SOS2: variants seen among roughly 807,000 people sequenced by gnomAD.
The protein encoded by SOS2 is son of sevenless homolog 2.
Under a neutral mutation model 148.2 loss-of-function variants are expected in SOS2, and 65 were observed. That is an observed-to-expected ratio of 0.44 (90% CI 0.36 to 0.54). SOS2 has a LOEUF of 0.54. Ranked by LOEUF, SOS2 falls within the 20% of genes least tolerant of loss-of-function variation. SOS2 has a pLI of 0.00. For synonymous variants in SOS2, 539 were observed against 537.1 expected (o/e 1.00, Z -0.05); for missense variants, 1,341 against 1,590.2 (o/e 0.84, Z 2.67).
At chr14:50,129,385 T>C (rs1313119580) in intron 21 of SOS2, among the ~76,000 whole-genome samples, 2 of 152,140 alleles carry the variant, frequency 1.3e-5, no homozygotes, top group East Asian at 3.8e-4. Context: ...TTTGTTTGTT[T>C]TGTTGTTTTC....
At chr14:50,166,225 T>C (rs1339572619) in intron 8 of SOS2, among the ~76,000 whole-genome samples, 4 of 152,146 alleles carry the variant, frequency 2.6e-5, no homozygotes, top group South Asian at 4.1e-4. Context: ...ATGGGTAATA[T>C]CTTTTCTTTT....
At chr14:50,224,364 C>CACACAT (rs1339727223) in intron 1 of SOS2, among the ~76,000 whole-genome samples, 110 of 109,334 alleles carry the variant, frequency 1.0e-3, no homozygotes, top group African/African-American at 2.7e-3. Flanking sequence ...CACACACACA[C>CACACAT]ATATATATAA....
chr14:50,155,164 T>C (rs1312785385), intron 12 of SOS2, among the ~76,000 whole-genome samples: 1 of 152,086 alleles, frequency 6.6e-6, no homozygotes, highest in Non-Finnish European at 1.5e-5. Context: ...CATTGTAAAA[T>C]TCTCAGTTTT....
rs530723333 is a variant in SOS2 at position 50,181,321 on chromosome 14, G to A, written c.859-639C>T. ...AAATTAGCTGGGCGTGGTGGCAGGC[G>A]CCTGTAATCCCAGCTACTCAGGAGG... On this transcript the variant is annotated intron_variant, in intron 6 of 22. Transcript: ENST00000216373. Among the ~76,000 whole-genome samples the A allele has an allele frequency of 4.6e-5, 7 of 152,086 alleles. No individual in the cohort carries two copies. In the South Asian group the frequency reaches 1.2e-3, roughly 27 times the overall value.
chr14:50,160,093 A>G lies in SOS2; in HGVS notation c.1197-7T>C. The stretch of plus-strand genomic sequence containing the variant: ...AAAAGGGCAAACAGGATCTCTAGAA[A>G]AAACAAACAATATAGCTTATTCAAC... On this transcript the variant is annotated splice_region_variant and splice_polypyrimidine_tract_variant and intron_variant, in intron 9 of 22. Transcript: ENST00000216373. 1 of 1,603,190 alleles carries G rather than the reference A, an allele frequency of 6.2e-7. No individual in the cohort carries two copies. Among genetic ancestry groups the G allele is most frequent in the Middle Eastern group, 1.7e-4 (1 of 5,962 alleles).
intron 8 of SOS2, among the ~76,000 whole-genome samples, chr14:50,163,735 T>C (rs1205165891): frequency 1.3e-5 from 2 of 152,238 alleles, no homozygotes; most frequent in Non-Finnish European, 2.9e-5. Context: ...CTCTAAAATA[T>C]TTCTTTAATA....
chr14:50,227,766 T>C (rs1887425215), intron 1 of SOS2, among the ~76,000 whole-genome samples: 1 of 152,132 alleles, frequency 6.6e-6, no homozygotes, highest in South Asian at 2.1e-4. Context: ...TTGAGATTGG[T>C]TTTTTAAAAA....
rs1184761189 is a variant in SOS2 at position 50,162,258 on chromosome 14, C to T, written c.1069-649G>A. ...CCTCGATCTCCTGGGCATAAGGCTT[C>T]CCGAGTAGCTGGGACCACAGTTGCA... is the stretch of plus-strand genomic sequence containing the variant. On this transcript the variant is annotated intron_variant, in intron 8 of 22. Transcript: ENST00000216373. Among the ~76,000 whole-genome samples, 4 of 152,190 alleles carry T rather than the reference C, an allele frequency of 2.6e-5. No homozygotes were observed. In the South Asian group the frequency reaches 6.2e-4, roughly 24 times the overall value.
rs765097073 is a variant in SOS2 at position 50,118,794 on chromosome 14, T to TGGA, written c.3546_3548dup (p.Pro1183dup). ...GAACAGGAACTCTGGGTTTTACCTT[T>TGGA]GGAGGAGGAGGCTGTCTCGGTGGAA... On this transcript the variant is annotated inframe_insertion, in exon 23 of 23. Coordinates refer to ENST00000216373, the MANE Select transcript of SOS2 (RefSeq NM_006939.4). 1.6e-4 allele frequency: 254 copies of TGGA among 1,556,390 alleles called. 1 individual carries two copies. The highest frequency in any genetic ancestry group is 2.6e-5 in the Non-Finnish European group (30 of 1,145,750).
Position 50,118,286 on chromosome 14 carries a change from A to G in SOS2, c.*58T>C. On this transcript the variant is annotated 3_prime_UTR_variant, in exon 23 of 23. Transcript: ENST00000216373. ...AAATACTATGTCTTTTTTTGAATAA[A>G]TTAAAAAAAAAACTTTACAAATACC... is the stretch of plus-strand genomic sequence containing the variant. 1 of 1,402,628 alleles carries G rather than the reference A, an allele frequency of 7.1e-7. No homozygotes were observed. Among genetic ancestry groups the G allele is most frequent in the Non-Finnish European group, 9.7e-7 (1 of 1,031,332 alleles). The allele number at this position is 1,402,628 out of a possible 1,614,324, so 86.9% of individuals were successfully genotyped here.
rs576888254 is a variant in SOS2, at chr14:50,172,314, G to T, written c.1068+2140C>A. On this transcript the variant is annotated intron_variant, in intron 8 of 22. Transcript: ENST00000216373. ...GTCTTTCCATTCCACATTTCTATTTGTTCTTGTTGTTGCTGTGCATTAATT... is the reference window on the plus strand; with the variant it reads ...GTCTTTCCATTCCACATTTCTATTTTTTCTTGTTGTTGCTGTGCATTAATT... 2.7e-5 allele frequency among the ~76,000 whole-genome samples: 4 copies of T among 148,836 alleles called. No homozygotes were observed. In the East Asian group the frequency reaches 8.0e-4, roughly 30 times the overall value.
At chr14:50,192,941 T>C (rs190158125) in intron 4 of SOS2, among the ~76,000 whole-genome samples, 96 of 152,290 alleles carry the variant, frequency 6.3e-4, no homozygotes, top group Admixed American at 1.1e-3. Flanking sequence ...CTAGTATATC[T>C]AGATCTGGTG....
chr14:50,157,081 A>G lies in SOS2; in HGVS notation c.1975T>C (p.Leu659=), dbSNP rs775886849. ...PEPEPTDADK[L]AIEKGEQPIS... ...GGCTGCTCGCCTTTCTCTATTGCCA[A>G]TTTGTCTGCGTCAGTAGGTTCTGGC... Residue 659 remains leucine, a synonymous_variant, in exon 12 of 23, where the codon TTG becomes CTG. Coordinates refer to ENST00000216373, the MANE Select transcript of SOS2 (RefSeq NM_006939.4). 10 of 1,612,656 alleles carry G rather than the reference A, an allele frequency of 6.2e-6. No homozygotes were observed. The East Asian group carries it at 6.7e-5, about 11-fold the overall frequency.
At chr14:50,213,217 C>G (rs1427124423) in intron 1 of SOS2, among the ~76,000 whole-genome samples, 2 of 152,130 alleles carry the variant, frequency 1.3e-5, no homozygotes, top group African/African-American at 4.8e-5. Flanking sequence ...CTGGGAGAGA[C>G]TGTCTCAAGA....
At chr14:50,200,175 C>T (rs1886443055) in intron 3 of SOS2, among the ~76,000 whole-genome samples, 1 of 152,060 alleles carries the variant, frequency 6.6e-6, no homozygotes, top group Non-Finnish European at 1.5e-5. Context: ...ATCAAAATAT[C>T]TGCTATCTTC....
Position 50,117,917 on chromosome 14 carries a change from G to A in SOS2, c.*427C>T, listed in dbSNP as rs34668179. ...AACTAGAAGTAAAAACTAGAAGATG[G>A]TCAAAGAGGTTTAAAAATCAGTAAC... On this transcript the variant is annotated 3_prime_UTR_variant, in exon 23 of 23. Coordinates refer to ENST00000216373, the MANE Select transcript of SOS2 (RefSeq NM_006939.4). 6.8e-3 allele frequency: 1,049 copies of A among 154,690 alleles called. 12 individuals are homozygous for A. The highest frequency in any genetic ancestry group is 8.4e-3 in the Non-Finnish European group (587 of 69,802). 9.6% of individuals were successfully genotyped at this position (154,690 alleles called of 1,614,324 possible). A position where few individuals can be genotyped will look rare whatever the true frequency, so the allele number is the denominator to read the frequency against.
chr14:50,171,400 A>T lies in SOS2; in HGVS notation c.1068+3054T>A, dbSNP rs190781754. 5.1e-4 allele frequency among the ~76,000 whole-genome samples: 77 copies of T among 152,222 alleles called. 2 individuals carry two copies. In the East Asian group the frequency reaches 0.013, roughly 26 times the overall value. ...ACCAAAAGGTAGAAAAAAATCCAAC[A>T]GTCAGCCAGGCGCGGTGGCTCACCC... On this transcript the variant is annotated intron_variant, in intron 8 of 22. Transcript: ENST00000216373.
At position 50,118,150 on chromosome 14, in the gene SOS2, TG is replaced by T; in HGVS notation, c.*193del. 4 of 564,596 alleles carry T rather than the reference TG, an allele frequency of 7.1e-6. No individual in the cohort carries two copies. Among genetic ancestry groups the T allele is most frequent in the Non-Finnish European group, 1.2e-5 (4 of 324,340 alleles). The allele number at this position is 564,596 out of a possible 1,614,324, so 35.0% of individuals were successfully genotyped here. On this transcript the variant is annotated 3_prime_UTR_variant, in exon 23 of 23. Transcript: ENST00000216373. ...AGGATCCAAGACAAGGCAATGCTAC[TG>T]ATCACCTGAGGATAATGGTGAAGGA...
At chr14:50,230,161 A>T (rs1283839828) in intron 1 of SOS2, among the ~76,000 whole-genome samples, 3 of 152,242 alleles carry the variant, frequency 2.0e-5, no homozygotes, top group African/African-American at 7.2e-5. Context: ...CTTTAACTTT[A>T]AAATACACTA....
Sources: gnomAD v4.1 joint callset for allele counts (sites outside exome capture counted in the v4.1 genomes callset) on GRCh38, gnomAD v4.1.1 for gene constraint, MANE v1.5 for transcripts, NCBI Gene and HGNC (gene_info 2026-07-23, HGNC 2026-07-21) for gene names.